Variants in ADAM22 observed in about 807,000 individuals in gnomAD.
The protein encoded by ADAM22 is disintegrin and metalloproteinase domain-containing protein 22.
A neutral mutation model predicts 144.6 loss-of-function variants in ADAM22; 65 were observed. The observed-to-expected ratio is 0.45, with a 90% CI of 0.37 to 0.55. ADAM22 has a LOEUF of 0.55. Among genes scored for constraint, ADAM22 ranks in the 20% least tolerant of loss-of-function variants. The pLI is 0.00. For synonymous variants in ADAM22, 391 were observed against 412.6 expected, an observed-to-expected ratio of 0.95 and a Z score of 0.63; for missense variants, 974 against 1,184.9, an observed-to-expected ratio of 0.82 and a Z score of 2.61.
chr7:88,015,948 T>A (rs1037800115), intron 3 of ADAM22, among the ~76,000 whole-genome samples: 40 of 152,088 alleles, frequency 2.6e-4, no homozygotes, highest in African/African-American at 4.6e-4. Context: ...TCTTTTTTTT[T>A]AATTTTTCTT....
At chr7:88,096,867 A>G (rs1172616716) in intron 4 of ADAM22, among the ~76,000 whole-genome samples, 2 of 152,060 alleles carry the variant, frequency 1.3e-5, no homozygotes, top group African/African-American at 2.4e-5. Flanking sequence ...ACTTGCTGGG[A>G]AAAAAAGCAC....
intron 14 of ADAM22, among the ~76,000 whole-genome samples, chr7:88,142,800 T>A (rs1388692806): frequency 1.3e-5 from 2 of 150,342 alleles, no homozygotes; most frequent in East Asian, 2.0e-4. Flanking sequence ...ATCGTGCCAC[T>A]GCACTCCAGC....
chr7:88,186,528 G>A (rs1457110356), intron 29 of ADAM22, 87 bp from the exon 30 acceptor site: 5 of 882,490 alleles, frequency 5.7e-6, no homozygotes, highest in Admixed American at 1.8e-5. Flanking sequence ...TTTGGAGGGT[G>A]AAGACATCCT....
chr7:88,174,748 T>G (rs1845215317), intron 26 of ADAM22, among the ~76,000 whole-genome samples: 1 of 152,120 alleles, frequency 6.6e-6, no homozygotes, highest in Non-Finnish European at 1.5e-5. Flanking sequence ...AATAATTAGA[T>G]TATATCTTTT....
intron 3 of ADAM22, among the ~76,000 whole-genome samples, chr7:88,071,934 A>G (rs917143474): frequency 1.3e-5 from 2 of 152,040 alleles, no homozygotes; most frequent in African/African-American, 4.8e-5. Flanking sequence ...GTAGATCCCT[A>G]TATAATGATG....
At chr7:88,137,451 G>T (rs959274687) in intron 14 of ADAM22, among the ~76,000 whole-genome samples, 1 of 152,020 alleles carries the variant, frequency 6.6e-6, no homozygotes, top group African/African-American at 2.4e-5. Flanking sequence ...TTTTCAATTT[G>T]CTAACCATAA....
chr7:88,187,117 C>G (rs1170509912), intron 30 of ADAM22, among the ~76,000 whole-genome samples: 1 of 152,104 alleles, frequency 6.6e-6, no homozygotes, highest in Non-Finnish European at 1.5e-5. Context: ...ATAGTGCATA[C>G]AAAAACTCAC....
rs924363869 is a variant in ADAM22, at chr7:88,113,652, A to G, written c.474-932A>G. ...ACTTATCACTGTCATATGTATGTGT[A>G]TGTGTGTGTGTATATATATATATAA... On this transcript the variant is annotated intron_variant, in intron 5 of 31. Transcript: ENST00000413139. Among the ~76,000 whole-genome samples the G allele has an allele frequency of 2.4e-5, 3 of 123,574 alleles. 1 individual carries two copies. The South Asian group carries it at 8.0e-4, about 33-fold the overall frequency. The allele number at this position is 123,574 out of a possible 152,430, so 81.1% of individuals were successfully genotyped here.
intron 7 of ADAM22, among the ~76,000 whole-genome samples, chr7:88,124,897 A>G (rs1325906039): frequency 2.0e-5 from 3 of 151,956 alleles, no homozygotes; most frequent in Admixed American, 1.3e-4. Flanking sequence ...GTTTTATAGT[A>G]TTATTTGTAT....
At chr7:88,067,436 T>A (rs1811552965) in intron 3 of ADAM22, among the ~76,000 whole-genome samples, 1 of 151,892 alleles carries the variant, frequency 6.6e-6, no homozygotes, top group African/African-American at 2.4e-5. Flanking sequence ...CCTTGGCTTT[T>A]AAAGTGGTAT....
At chr7:87,954,369 C>A (rs527298443) in intron 2 of ADAM22, among the ~76,000 whole-genome samples, 6 of 152,006 alleles carry the variant, frequency 3.9e-5, no homozygotes, top group African/African-American at 1.5e-4. Context: ...ATTTGCTTGT[C>A]TGTAAAGTAT....
intron 7 of ADAM22, among the ~76,000 whole-genome samples, chr7:88,119,523 G>A (rs1828693145): frequency 6.6e-6 from 1 of 152,142 alleles, no homozygotes; most frequent in Non-Finnish European, 1.5e-5. Context: ...GGGTCTTGCT[G>A]TGTTGCCCAG....
At chr7:87,965,419 A>T (rs1184673807) in intron 2 of ADAM22, among the ~76,000 whole-genome samples, 1 of 152,240 alleles carries the variant, frequency 6.6e-6, no homozygotes, top group Non-Finnish European at 1.5e-5. Context: ...AGTTTGAAAC[A>T]TAGTTCCATA....
intron 2 of ADAM22, among the ~76,000 whole-genome samples, chr7:87,937,925 A>T (rs1274525474): frequency 6.6e-6 from 1 of 152,180 alleles, no homozygotes; most frequent in Non-Finnish European, 1.5e-5. Context: ...TGATGTCTCT[A>T]TCACTTGGGA....
At chr7:87,944,014 T>A (rs1842967800) in intron 2 of ADAM22, among the ~76,000 whole-genome samples, 2 of 152,324 alleles carry the variant, frequency 1.3e-5, no homozygotes. Flanking sequence ...ATTTTGCAAG[T>A]GATTTTAAAA....
intron 9 of ADAM22, among the ~76,000 whole-genome samples, chr7:88,129,547 C>T (rs1489904063): frequency 6.6e-6 from 1 of 152,004 alleles, no homozygotes; most frequent in Non-Finnish European, 1.5e-5. Flanking sequence ...TTTATCTTTC[C>T]ACCTATTTGA....
At chr7:88,021,290 G>C (rs1198664965) in intron 3 of ADAM22, among the ~76,000 whole-genome samples, 1 of 152,150 alleles carries the variant, frequency 6.6e-6, no homozygotes, top group Non-Finnish European at 1.5e-5. Flanking sequence ...CATTTCACCA[G>C]AGCCTTCCAG....
intron 3 of ADAM22, among the ~76,000 whole-genome samples, chr7:88,063,202 A>C (rs961027137): frequency 6.6e-6 from 1 of 152,224 alleles, no homozygotes; most frequent in Non-Finnish European, 1.5e-5. Context: ...ACAATAAAGC[A>C]AAGCACAATA....
At chr7:88,158,829 T>G (rs573469108) in intron 22 of ADAM22, among the ~76,000 whole-genome samples, 1 of 151,940 alleles carries the variant, frequency 6.6e-6, no homozygotes, top group South Asian at 2.1e-4. Context: ...ATTAACAATC[T>G]AACATCACAA....
Sources: allele counts gnomAD v4.1 joint callset (sites outside exome capture counted in the v4.1 genomes callset), GRCh38; gene constraint gnomAD v4.1.1; transcripts MANE v1.5; gene names NCBI Gene and HGNC (gene_info 2026-07-23, HGNC 2026-07-21).